PDE4D: variants seen among roughly 807,000 people sequenced by gnomAD.
PDE4D encodes the protein phosphodiesterase 4D.
A neutral mutation model predicts 87.4 loss-of-function variants in PDE4D; 24 were observed. The observed-to-expected ratio is 0.27, with a 90% CI of 0.20 to 0.39. The LOEUF is 0.39. Among genes scored for constraint, PDE4D ranks in the 10% least tolerant of loss-of-function variants. The pLI is 1.00. For synonymous variants in PDE4D, 384 were observed against 383.2 expected, an observed-to-expected ratio of 1.00 and a Z score of -0.02; for missense variants, 714 against 1,041.0, an observed-to-expected ratio of 0.69 and a Z score of 4.32.
At chr5:59,028,089 A>G (rs1756578491) in intron 6 of PDE4D, among the ~76,000 whole-genome samples, 1 of 152,198 alleles carries the variant, frequency 6.6e-6, no homozygotes, top group African/African-American at 2.4e-5. Flanking sequence ...AACACTGGCT[A>G]GACTATTCTT....
intron 1 of PDE4D, among the ~76,000 whole-genome samples, chr5:59,327,099 C>G (rs998817796): frequency 1.6e-4 from 23 of 147,798 alleles, no homozygotes; most frequent in Non-Finnish European, 2.5e-4. Context: ...CATTATTATT[C>G]TGCTGTCTCA....
chr5:60,263,840 T>C (rs539538543), intron 1 of PDE4D, among the ~76,000 whole-genome samples: 1 of 152,208 alleles, frequency 6.6e-6, no homozygotes, highest in South Asian at 2.1e-4. Context: ...CTCAAAGTCC[T>C]TGGCTTTGAG....
intron 7 of PDE4D, 65 bp downstream of exon 7, chr5:58,993,304 ATCC>A: frequency 3.4e-6 from 3 of 871,218 alleles, no homozygotes; most frequent in East Asian, 2.6e-5. Flanking sequence ...TGGCACCCCA[ATCC>A]TCCTACAAAA....
intron 6 of PDE4D, among the ~76,000 whole-genome samples, chr5:58,996,782 C>A (rs1749333246): frequency 6.6e-6 from 1 of 152,144 alleles, no homozygotes; most frequent in African/African-American, 2.4e-5. Flanking sequence ...ATTTTCCTGG[C>A]AGTTTGCTTA....
At chr5:59,176,637 G>T (rs1289671900) in intron 5 of PDE4D, among the ~76,000 whole-genome samples, 4 of 152,042 alleles carry the variant, frequency 2.6e-5, no homozygotes, top group Non-Finnish European at 5.9e-5. Context: ...AGAGGGTATT[G>T]TAAATTCTAT....
At chr5:59,092,828 C>T (rs1223150805) in intron 5 of PDE4D, among the ~76,000 whole-genome samples, 2 of 152,156 alleles carry the variant, frequency 1.3e-5, no homozygotes, top group Non-Finnish European at 2.9e-5. Context: ...TTATCATCAT[C>T]ATCATCTTGC....
At chr5:60,325,407 A>G (rs1490083994) in intron 1 of PDE4D, among the ~76,000 whole-genome samples, 3 of 152,184 alleles carry the variant, frequency 2.0e-5, no homozygotes, top group Admixed American at 6.5e-5. Context: ...TGGTCCCCTG[A>G]AAGTCTGCAT....
intron 1 of PDE4D, among the ~76,000 whole-genome samples, chr5:60,351,982 T>C (rs1291929374): frequency 6.6e-6 from 1 of 151,194 alleles, no homozygotes; most frequent in South Asian, 2.1e-4. Flanking sequence ...TTTTTTTTTT[T>C]TCTGTAGACA....
chr5:60,126,221 T>C (rs1005919982), intron 2 of PDE4D, among the ~76,000 whole-genome samples: 5 of 150,396 alleles, frequency 3.3e-5, no homozygotes, highest in Non-Finnish European at 7.4e-5. Flanking sequence ...AAAAAGGTTG[T>C]TGACTTACTC....
chr5:60,414,896 C>G (rs1309171810), intron 1 of PDE4D, among the ~76,000 whole-genome samples: 3 of 151,778 alleles, frequency 2.0e-5, no homozygotes, highest in African/African-American at 7.2e-5. Context: ...GCCTCTTCGT[C>G]TCTGGTATAC....
intron 1 of PDE4D, among the ~76,000 whole-genome samples, chr5:59,805,445 C>G (rs1258171772): frequency 1.3e-5 from 2 of 152,114 alleles, no homozygotes; most frequent in African/African-American, 4.8e-5. Context: ...TTCTGGTGAG[C>G]CAAGTGTGTT....
At chr5:59,061,557 C>G (rs1222357152) in intron 5 of PDE4D, among the ~76,000 whole-genome samples, 2 of 152,074 alleles carry the variant, frequency 1.3e-5, no homozygotes, top group Non-Finnish European at 2.9e-5. Context: ...GCAGGACTGT[C>G]TGTATAACAT....
At chr5:59,015,881 C>A (rs1348384248) in intron 6 of PDE4D, among the ~76,000 whole-genome samples, 1 of 152,176 alleles carries the variant, frequency 6.6e-6, no homozygotes, top group Non-Finnish European at 1.5e-5. Context: ...ACCCAAATGT[C>A]CACCAATGAT....
chr5:59,244,904 A>G (rs898145613), intron 1 of PDE4D, among the ~76,000 whole-genome samples: 21 of 151,652 alleles, frequency 1.4e-4, no homozygotes, highest in African/African-American at 5.1e-4. Context: ...TGGAAGCTGC[A>G]ATGACAGGTT....
intron 1 of PDE4D, among the ~76,000 whole-genome samples, chr5:59,632,307 T>C (rs1318769958): frequency 6.6e-6 from 1 of 152,150 alleles, no homozygotes; most frequent in Non-Finnish European, 1.5e-5. Flanking sequence ...GGGGTGGCTT[T>C]GGGCACAGCT....
At chr5:59,460,607 A>AT (rs1278336496) in intron 1 of PDE4D, among the ~76,000 whole-genome samples, 2 of 152,288 alleles carry the variant, frequency 1.3e-5, no homozygotes, top group East Asian at 3.9e-4. Flanking sequence ...CCCCCAGCCC[A>AT]TCTGGAGAGG....
intron 1 of PDE4D, among the ~76,000 whole-genome samples, chr5:59,755,216 C>A (rs1008406438): frequency 3.9e-5 from 6 of 152,070 alleles, no homozygotes; most frequent in African/African-American, 1.4e-4. Context: ...TTGCTAAATG[C>A]CATTTTAAAC....
At chr5:59,264,293 AT>A (rs1244733262) in intron 1 of PDE4D, among the ~76,000 whole-genome samples, 1 of 152,034 alleles carries the variant, frequency 6.6e-6, no homozygotes, top group Non-Finnish European at 1.5e-5. Context: ...TTGCCCATAG[AT>A]TAAAAAGACT....
chr5:59,794,631 A>AT (rs1766243824), intron 1 of PDE4D, among the ~76,000 whole-genome samples: 1 of 152,150 alleles, frequency 6.6e-6, no homozygotes, highest in South Asian at 2.1e-4. Flanking sequence ...ATTTTTAAAA[A>AT]TTTTGTCTTC....
Sources: allele counts gnomAD v4.1 joint callset (sites outside exome capture counted in the v4.1 genomes callset), GRCh38; gene constraint gnomAD v4.1.1; transcripts MANE v1.5; gene names NCBI Gene and HGNC (gene_info 2026-07-23, HGNC 2026-07-21).